SLC5A1: variants seen among roughly 807,000 people sequenced by gnomAD.
SLC5A1 encodes the protein solute carrier family 5 member 1, also known as sodium/glucose cotransporter 1.
In SLC5A1, 42 loss-of-function variants were observed where a neutral mutation model predicts 73.5. That is an observed-to-expected ratio of 0.57 (90% CI 0.45 to 0.74). SLC5A1 has a LOEUF of 0.74. Ranked by LOEUF, SLC5A1 falls within the 30% of genes least tolerant of loss-of-function variation. The pLI is 0.00. For missense variants in SLC5A1, 634 were observed against 855.4 expected (o/e 0.74, Z 3.23); for synonymous variants, 300 against 317.4 (o/e 0.95, Z 0.58).
At chr22:32,077,525 T>C (rs998708364) in intron 5 of SLC5A1, among the ~76,000 whole-genome samples, 5 of 152,148 alleles carry the variant, frequency 3.3e-5, no homozygotes, top group Non-Finnish European at 5.9e-5. Flanking sequence ...GGACAGTTCT[T>C]TTATATCAAA....
intron 5 of SLC5A1, among the ~76,000 whole-genome samples, chr22:32,073,687 G>A (rs1603120519): frequency 6.6e-6 from 1 of 152,180 alleles, no homozygotes; most frequent in East Asian, 1.9e-4. Flanking sequence ...CTCCTGAGTA[G>A]CTGGGATTAC....
chr22:32,110,566 T>C lies in SLC5A1; in HGVS notation c.*353T>C. On this transcript the variant is annotated 3_prime_UTR_variant, in exon 15 of 15. Transcript: ENST00000266088. ...CAGTGTGGTTTATAATCCTTGAATA[T>C]TGTTTTAGAAACTTTGGTCTCCCTG... is the stretch of plus-strand genomic sequence containing the variant. The C allele has an allele frequency of 2.9e-6, 1 of 343,936 alleles. No homozygotes were observed. The allele number at this position is 343,936 out of a possible 1,614,324, so 21.3% of individuals were successfully genotyped here.
chr22:32,049,409 C>A (rs1230634884), intron 1 of SLC5A1, among the ~76,000 whole-genome samples: 1 of 96,038 alleles, frequency 1.0e-5, no homozygotes, highest in African/African-American at 2.8e-5. Flanking sequence ...TATGATATTT[C>A]TTTTTCTTTT....
intron 10 of SLC5A1, among the ~76,000 whole-genome samples, chr22:32,088,634 C>T (rs898122636): frequency 2.0e-5 from 3 of 152,104 alleles, no homozygotes; most frequent in African/African-American, 2.4e-5. Context: ...TCACCATGCC[C>T]AGCCTACTGT....
At chr22:32,082,838 TC>T (rs781706864) in intron 6 of SLC5A1, among the ~76,000 whole-genome samples, 1 of 152,206 alleles carries the variant, frequency 6.6e-6, no homozygotes, top group Non-Finnish European at 1.5e-5. Context: ...CCAGACTCTT[TC>T]CCCTCAAGTA....
chr22:32,086,219 GA>G lies in SLC5A1; in HGVS notation c.1027del (p.Ile343LeufsTer27). On this transcript the variant is annotated frameshift_variant and splice_region_variant, in exon 10 of 15. Coordinates refer to ENST00000266088, the MANE Select transcript of SLC5A1 (RefSeq NM_000343.4). LOFTEE classifies it high-confidence loss of function. Reference protein sequence around the residue: ...PGMISRILYTEKIACVVPSEC... With the variant: ...PGMISRILYTXKIACVVPSEC... ...TGACGTGGCTCTCCATCTCTTCCCA[GA>G]AAAAATTGCCTGTGTCGTCCCTTCA... is the stretch of plus-strand genomic sequence containing the variant. 1 of 1,608,636 alleles carries G rather than the reference GA, an allele frequency of 6.2e-7. No homozygotes were observed. Among genetic ancestry groups the G allele is most frequent in the South Asian group, 1.1e-5 (1 of 90,970 alleles).
chr22:32,088,418 C>A (rs926056966), intron 10 of SLC5A1, among the ~76,000 whole-genome samples: 1 of 150,148 alleles, frequency 6.7e-6, no homozygotes, highest in African/African-American at 2.5e-5. Context: ...CTCACTGCAA[C>A]CTCCACCTCC....
Position 32,110,200 on chromosome 22 carries a change from C to T in SLC5A1, c.1982C>T (p.Ala661Val). 1.2e-6 allele frequency: 2 copies of T among 1,612,720 alleles called. No homozygotes were observed. The highest frequency in any genetic ancestry group is 1.7e-6 in the Non-Finnish European group (2 of 1,179,020). The change falls in exon 15 of 15, where the codon GCA (alanine) becomes GTA (valine). Residue 661 changes from alanine to valine, a missense_variant. Around this residue, in one of 3 missense-constraint regions of SLC5A1, gnomAD observed 161 missense variants for 178.7 expected, o/e 0.90. Coordinates refer to ENST00000266088, the MANE Select transcript of SLC5A1 (RefSeq NM_000343.4). ...GTGACCGTGGCTGTCTTTTGCCATG[C>T]ATATTTTGCCTGAGTCCTACCTTTT... ...ILVTVAVFCH[A>V]YFA is the part of the protein sequence containing the mutation.
At chr22:32,089,373 A>T (rs1219632078) in intron 10 of SLC5A1, among the ~76,000 whole-genome samples, 2 of 152,232 alleles carry the variant, frequency 1.3e-5, no homozygotes, top group African/African-American at 4.8e-5. Flanking sequence ...ACCATAAATT[A>T]TTTAAAGATA....
intron 6 of SLC5A1, among the ~76,000 whole-genome samples, 185 bp downstream of exon 6, chr22:32,082,156 G>C (rs889562481): frequency 2.0e-5 from 3 of 152,164 alleles, no homozygotes; most frequent in African/African-American, 7.2e-5. Context: ...AGTGGTTTCA[G>C]AAAGCTGTGG....
rs5753854 is a variant in SLC5A1 at position 32,044,552 on chromosome 22, G to C, written c.135+1136G>C. On this transcript the variant is annotated intron_variant, in intron 1 of 14. Transcript: ENST00000266088. The stretch of plus-strand genomic sequence containing the variant: ...TTTTCCAAAGGAATTGTAGAAACTA[G>C]ATGTGGCAGAATGCCTCCCAAGTGT... 2.7e-5 allele frequency among the ~76,000 whole-genome samples: 4 copies of C among 150,626 alleles called. No homozygotes were observed. The South Asian group carries it at 8.4e-4, about 32-fold the overall frequency.
At chr22:32,053,955 G>A (rs1022221710) in intron 2 of SLC5A1, among the ~76,000 whole-genome samples, 9 of 152,060 alleles carry the variant, frequency 5.9e-5, no homozygotes, top group Non-Finnish European at 8.8e-5. Context: ...CAGGCAGATC[G>A]CCTGGATTGG....
intron 11 of SLC5A1, among the ~76,000 whole-genome samples, chr22:32,094,689 TTC>T (rs1212950278): frequency 1.3e-5 from 2 of 152,184 alleles, no homozygotes; most frequent in African/African-American, 4.8e-5. Context: ...TTGTAATATC[TTC>T]TGTTTCATTT....
At chr22:32,064,158 G>A (rs1408317586) in intron 2 of SLC5A1, among the ~76,000 whole-genome samples, 1 of 152,152 alleles carries the variant, frequency 6.6e-6, no homozygotes, top group African/African-American at 2.4e-5. Context: ...AAGATAGTGG[G>A]TCAGGGCAGG....
rs1603102282 is a variant in SLC5A1, at chr22:32,049,862, A to G, written c.136-81A>G. ...AAGTGGAGTGGGTAGAAGAAGGTGC[A>G]CGAATGGGGAGGTATGTCCTTTTGG... On this transcript the variant is annotated intron_variant, in intron 1 of 14. Transcript: ENST00000266088. The G allele has an allele frequency of 1.0e-5, 11 of 1,066,660 alleles. No homozygotes were observed. In the East Asian group the frequency reaches 2.6e-4, roughly 25 times the overall value. The allele number at this position is 1,066,660 out of a possible 1,614,324, so 66.1% of individuals were successfully genotyped here. A position where few individuals can be genotyped will look rare whatever the true frequency, so the allele number is the denominator to read the frequency against.
chr22:32,089,809 G>A (rs1318785401), intron 10 of SLC5A1, among the ~76,000 whole-genome samples: 1 of 152,126 alleles, frequency 6.6e-6, no homozygotes, highest in African/African-American at 2.4e-5. Context: ...TTTTACTCCT[G>A]AAACTGTAAA....
At chr22:32,051,101 G>A (rs900461357) in intron 2 of SLC5A1, among the ~76,000 whole-genome samples, 2 of 152,210 alleles carry the variant, frequency 1.3e-5, no homozygotes, top group Non-Finnish European at 2.9e-5. Context: ...ACAGCCCAGT[G>A]AGAGACTCTT....
intron 5 of SLC5A1, among the ~76,000 whole-genome samples, chr22:32,081,355 G>A (rs2093999512): frequency 6.6e-6 from 1 of 152,134 alleles, no homozygotes; most frequent in African/African-American, 2.4e-5. Context: ...CTGCATCCGG[G>A]TTGGGGAGTT....
chr22:32,088,733 A>G (rs1347577859), intron 10 of SLC5A1, among the ~76,000 whole-genome samples: 1 of 152,110 alleles, frequency 6.6e-6, no homozygotes, highest in Non-Finnish European at 1.5e-5. Flanking sequence ...AGCATTATCG[A>G]TCACTCATCC....
Sources: gnomAD v4.1 joint callset for allele counts (sites outside exome capture counted in the v4.1 genomes callset) on GRCh38, gnomAD v4.1.1 for gene constraint, gnomAD v4.1.1 regional missense constraint, MANE v1.5 for transcripts, NCBI Gene and HGNC (gene_info 2026-07-23, HGNC 2026-07-21) for gene names.